Variants in CRACDL observed in about 807,000 individuals in gnomAD.
The protein encoded by CRACDL is CRACD-like protein.
Under a neutral mutation model 70.6 loss-of-function variants are expected in CRACDL, and 26 were observed. The ratio of observed to expected loss-of-function variants is 0.37; its 90% CI spans 0.27 to 0.51. The LOEUF is 0.51. CRACDL is among the 20% of genes least tolerant of loss of function. CRACDL has a pLI of 0.94. For synonymous variants in CRACDL, 618 were observed against 615.2 expected (o/e 1.00, Z -0.07); for missense variants, 1,283 against 1,376.9 (o/e 0.93, Z 1.08).
chr2:98,844,901 GA>G (rs1706186527), intron 2 of CRACDL, among the ~76,000 whole-genome samples: 1 of 152,186 alleles, frequency 6.6e-6, no homozygotes, highest in African/African-American at 2.4e-5. Flanking sequence ...GAGGTTCTCT[GA>G]ATTACCCAAA....
chr2:98,836,690 T>TA (rs1178245177), intron 3 of CRACDL, among the ~76,000 whole-genome samples: 8 of 152,214 alleles, frequency 5.3e-5, no homozygotes, highest in African/African-American at 1.9e-4. Flanking sequence ...GGGTGGGTGT[T>TA]AGAGTTTCCC....
chr2:98,925,729 T>C (rs1708895240), intron 1 of CRACDL, among the ~76,000 whole-genome samples: 1 of 152,064 alleles, frequency 6.6e-6, no homozygotes, highest in African/African-American at 2.4e-5. Context: ...TTCTTACTTA[T>C]AAAATACACA....
intron 1 of CRACDL, among the ~76,000 whole-genome samples, chr2:98,883,694 C>T (rs896320967): frequency 1.3e-5 from 2 of 152,150 alleles, no homozygotes; most frequent in African/African-American, 4.8e-5. Context: ...AAACCCGAGC[C>T]CGGGTAGAAC....
At chr2:98,846,062 C>T (rs1175103485) in intron 2 of CRACDL, among the ~76,000 whole-genome samples, 1 of 151,896 alleles carries the variant, frequency 6.6e-6, no homozygotes. Context: ...CCTTGGTCAC[C>T]AAAATAAAGG....
At chr2:98,865,090 G>C (rs1707082812) in intron 1 of CRACDL, among the ~76,000 whole-genome samples, 1 of 152,122 alleles carries the variant, frequency 6.6e-6, no homozygotes, top group Non-Finnish European at 1.5e-5. Context: ...ACAAGAGGAG[G>C]TGGTGGGCTG....
intron 1 of CRACDL, among the ~76,000 whole-genome samples, chr2:98,916,860 C>T (rs1008296562): frequency 6.6e-6 from 1 of 152,184 alleles, no homozygotes; most frequent in African/African-American, 2.4e-5. Context: ...CAAGAGCCTA[C>T]CCGGGGTCAG....
At chr2:98,866,021 G>A (rs1213172293) in intron 1 of CRACDL, among the ~76,000 whole-genome samples, 5 of 151,992 alleles carry the variant, frequency 3.3e-5, no homozygotes, top group African/African-American at 1.2e-4. Flanking sequence ...ATCCACTTGT[G>A]TGCAAAACCT....
chr2:98,918,627 T>C (rs1708726891), intron 1 of CRACDL, among the ~76,000 whole-genome samples: 1 of 149,798 alleles, frequency 6.7e-6, no homozygotes, highest in East Asian at 2.1e-4. Flanking sequence ...ATAATAGCCA[T>C]CCTTTCTGCT....
At chr2:98,837,977 G>A (rs2104514894) in intron 3 of CRACDL, 142 bp downstream of exon 3, 2 of 656,980 alleles carry the variant, frequency 3.0e-6, no homozygotes, top group Non-Finnish European at 4.9e-6. Flanking sequence ...GGTTTGAAAA[G>A]ACAGAAAACA....
intron 1 of CRACDL, among the ~76,000 whole-genome samples, chr2:98,892,923 C>T (rs1245897335): frequency 3.3e-5 from 5 of 152,168 alleles, no homozygotes; most frequent in Admixed American, 1.3e-4. Context: ...TCTGCCTCTC[C>T]GAGGGACCTC....
intron 1 of CRACDL, among the ~76,000 whole-genome samples, chr2:98,863,395 C>T (rs1372564298): frequency 6.6e-6 from 1 of 151,952 alleles, no homozygotes; most frequent in Non-Finnish European, 1.5e-5. Flanking sequence ...GCAAGAAATG[C>T]TAAAAAGAGT....
At position 98,822,517 on chromosome 2, in the gene CRACDL, C is replaced by G; in HGVS notation, c.1756G>C (p.Gly586Arg). Residue 586 changes from glycine (G) to arginine (R), a missense_variant, in exon 7 of 10, where the codon GGC becomes CGC. Physicochemically the swap from Gly to Arg is moderately radical, Grantham distance 125. This residue lies in a region of CRACDL where 921 missense variants were observed against 881.9 expected (regional missense o/e 1.04). Coordinates refer to ENST00000397899, the MANE Select transcript of CRACDL (RefSeq NM_207362.3). The surrounding 1 kb of genome is among the most constrained non-coding windows in gnomAD (Gnocchi z 4.9). ...VSSCRARPRP[G>R]VSRPLERASG... Reference sequence around the variant, plus strand: ...GCCCGTTCCAGCGGGCGGGAGACGCCCGGACGAGGCCGCGCTCGGCACGAG... The same window carrying G: ...GCCCGTTCCAGCGGGCGGGAGACGCGCGGACGAGGCCGCGCTCGGCACGAG... 1.2e-5 allele frequency: 18 copies of G among 1,458,354 alleles called. No homozygotes were observed. Among genetic ancestry groups the G allele is most frequent in the Non-Finnish European group, 1.6e-5 (18 of 1,113,918 alleles). The allele number at this position is 1,458,354 out of a possible 1,614,324, so 90.3% of individuals were successfully genotyped here.
At chr2:98,887,091 A>C (rs1030538320) in intron 1 of CRACDL, among the ~76,000 whole-genome samples, 1 of 152,228 alleles carries the variant, frequency 6.6e-6, no homozygotes, top group Non-Finnish European at 1.5e-5. Context: ...AAAAATCACT[A>C]GAGGGGCTCA....
At chr2:98,839,574 C>T (rs1396313512) in intron 2 of CRACDL, among the ~76,000 whole-genome samples, 1 of 152,192 alleles carries the variant, frequency 6.6e-6, no homozygotes, top group Non-Finnish European at 1.5e-5. Flanking sequence ...ATGGTCTCCT[C>T]AAGTGTAACT....
chr2:98,822,625 C>T lies in CRACDL; in HGVS notation c.1648G>A (p.Ala550Thr). 1 of 1,370,506 alleles carries T rather than the reference C, an allele frequency of 7.3e-7. No individual in the cohort carries two copies. Among genetic ancestry groups the T allele is most frequent in the Non-Finnish European group, 9.3e-7 (1 of 1,071,196 alleles). The allele number at this position is 1,370,506 out of a possible 1,614,324, so 84.9% of individuals were successfully genotyped here. ...PKAERAEAPP[A>T]GAERAAPERK... ...TCTGGCGCCGCCCTCTCGGCGCCCG[C>T]CGGTGGCGCCTCGGCTCGCTCGGCC... Residue 550 changes from alanine (A) to threonine (T), a missense_variant, in exon 7 of 10, where the codon GCG becomes ACG. By Grantham distance (58) the Ala-to-Thr change is moderately conservative. This residue lies in a region of CRACDL where 921 missense variants were observed against 881.9 expected (regional missense o/e 1.04). Transcript: ENST00000397899. This position sits in a 1 kb window ranked among gnomAD's most constrained non-coding sequence, Gnocchi z 4.9.
At chr2:98,885,894 C>T (rs1239847480) in intron 1 of CRACDL, among the ~76,000 whole-genome samples, 2 of 149,222 alleles carry the variant, frequency 1.3e-5, no homozygotes, top group Non-Finnish European at 3.0e-5. Flanking sequence ...ACTCTCTCCC[C>T]CATGAAAATA....
At chr2:98,889,134 A>AG (rs1256650619) in intron 1 of CRACDL, among the ~76,000 whole-genome samples, 35 of 148,532 alleles carry the variant, frequency 2.4e-4, no homozygotes, top group Admixed American at 1.1e-3. Context: ...CAAAAAAAAA[A>AG]GGGGGGGGAA....
rs1028988964 is a variant in CRACDL at position 98,823,288 on chromosome 2, C to T, written c.985G>A (p.Gly329Arg). 4 of 1,419,224 alleles carry T rather than the reference C, an allele frequency of 2.8e-6. No individual in the cohort carries two copies. Among genetic ancestry groups the T allele is most frequent in the African/African-American group, 1.5e-5 (1 of 65,974 alleles). 87.9% of individuals were successfully genotyped at this position (1,419,224 alleles called of 1,614,324 possible). Residue 329 changes from glycine to arginine, a missense_variant, in exon 7 of 10, where the codon GGG (glycine) becomes AGG (arginine). Gly to Arg is a moderately radical substitution (Grantham distance 125). Coordinates refer to ENST00000397899, the MANE Select transcript of CRACDL (RefSeq NM_207362.3). This position sits in a 1 kb window ranked among gnomAD's most constrained non-coding sequence, Gnocchi z 4.0. ...GCCGGGCGGCTTGAGGGGTCCTCCC[C>T]GGGGACGCCCCCCTCCTCCACGCTG... ...TASVEEGGVP[G>R]EDPSSRPATP...
chr2:98,907,000 T>G (rs904292094), intron 1 of CRACDL, among the ~76,000 whole-genome samples: 3 of 152,136 alleles, frequency 2.0e-5, no homozygotes, highest in Non-Finnish European at 2.9e-5. Flanking sequence ...AGATTGGAAC[T>G]GTAAGTCTTG....
Sources: gnomAD v4.1 joint callset for allele counts (sites outside exome capture counted in the v4.1 genomes callset) on GRCh38, gnomAD v4.1.1 for gene constraint, gnomAD v4.1.1 regional missense constraint, Gnocchi (gnomAD v3.1) non-coding constraint, MANE v1.5 for transcripts, NCBI Gene and HGNC (gene_info 2026-07-23, HGNC 2026-07-21) for gene names.